PTPRN2: variants seen among roughly 807,000 people sequenced by gnomAD.
PTPRN2 encodes protein tyrosine phosphatase receptor type N2.
PTPRN2 carries 74 observed loss-of-function variants against 118.8 expected under a neutral mutation model. That is an observed-to-expected ratio of 0.62 (90% CI 0.52 to 0.76). PTPRN2 has a LOEUF of 0.76. PTPRN2 is among the 30% of genes least tolerant of loss of function. The pLI, the probability that PTPRN2 is intolerant of heterozygous loss-of-function variation, is 0.00. For missense variants in PTPRN2, 1,481 were observed against 1,394.4 expected, an observed-to-expected ratio of 1.06 and a Z score of -0.99; for synonymous variants, 641 against 608.0, an observed-to-expected ratio of 1.05 and a Z score of -0.80.
intron 11 of PTPRN2, among the ~76,000 whole-genome samples, chr7:158,076,794 A>G (rs1047597721): frequency 3.9e-5 from 6 of 152,150 alleles, no homozygotes; most frequent in Admixed American, 3.9e-4. Context: ...TGTGCCATCC[A>G]CTGCCCCTAA....
chr7:157,748,535 G>T lies in PTPRN2; in HGVS notation c.1789-65598C>A, dbSNP rs1461698238. ...TTAGGTCTGCGTCTCTGAGCTGTGG[G>T]GTGTCCGGGTGATTCTGAGGCCTGC... On this transcript the variant is annotated intron_variant, in intron 12 of 22. Transcript: ENST00000389418. Among the ~76,000 whole-genome samples, 9 of 120,422 alleles carry T rather than the reference G, an allele frequency of 7.5e-5. 1 individual carries two copies. The highest frequency in any genetic ancestry group is 2.7e-4 in the East Asian group (1 of 3,746). 79.0% of individuals were successfully genotyped at this position (120,422 alleles called of 152,430 possible). A position where few individuals can be genotyped will look rare whatever the true frequency, so the allele number is the denominator to read the frequency against.
chr7:158,400,387 T>C (rs1812843272), intron 2 of PTPRN2, among the ~76,000 whole-genome samples: 2 of 152,116 alleles, frequency 1.3e-5, no homozygotes, highest in Non-Finnish European at 2.9e-5. Context: ...TTTATTGCTC[T>C]GTGTCTACCA....
chr7:158,095,671 T>A (rs1814572234), intron 10 of PTPRN2, among the ~76,000 whole-genome samples: 1 of 152,192 alleles, frequency 6.6e-6, no homozygotes, highest in East Asian at 1.9e-4. Context: ...AGAAACACTC[T>A]AGTCACTGAT....
At chr7:158,506,007 G>A (rs974195049) in intron 1 of PTPRN2, among the ~76,000 whole-genome samples, 7 of 152,242 alleles carry the variant, frequency 4.6e-5, no homozygotes, top group African/African-American at 1.7e-4. Flanking sequence ...TGTGATGGCC[G>A]AGGGGCCACC....
At chr7:158,401,023 C>T (rs1176972820) in intron 2 of PTPRN2, among the ~76,000 whole-genome samples, 2 of 152,170 alleles carry the variant, frequency 1.3e-5, no homozygotes, top group Non-Finnish European at 2.9e-5. Context: ...TGGCCAAGGC[C>T]GCTCATCACC....
At chr7:158,142,905 T>TG (rs1819521758) in intron 6 of PTPRN2, among the ~76,000 whole-genome samples, 1 of 152,190 alleles carries the variant, frequency 6.6e-6, no homozygotes, top group Non-Finnish European at 1.5e-5. Context: ...AGATAAAAGA[T>TG]GTGCTCCGGA....
At chr7:158,479,338 G>A (rs1227254118) in intron 2 of PTPRN2, among the ~76,000 whole-genome samples, 2 of 151,886 alleles carry the variant, frequency 1.3e-5, no homozygotes, top group Non-Finnish European at 2.9e-5. Flanking sequence ...TGACCCACTC[G>A]CCGACAGCCT....
At chr7:158,057,534 C>G (rs1045032976) in intron 11 of PTPRN2, among the ~76,000 whole-genome samples, 5 of 152,218 alleles carry the variant, frequency 3.3e-5, no homozygotes, top group Admixed American at 2.6e-4. Flanking sequence ...TGGATTCTTT[C>G]CTAGTCTGTG....
intron 3 of PTPRN2, among the ~76,000 whole-genome samples, chr7:158,314,823 C>T (rs1047198301): frequency 6.6e-6 from 1 of 152,286 alleles, no homozygotes; most frequent in African/African-American, 2.4e-5. Flanking sequence ...ACCACCCATG[C>T]TGGGACCCCC....
chr7:158,276,152 G>A (rs183754079), intron 3 of PTPRN2, among the ~76,000 whole-genome samples: 352 of 151,976 alleles, frequency 2.3e-3, no homozygotes, highest in African/African-American at 8.2e-3. Flanking sequence ...CCAAGTGTTC[G>A]TCCCTTGTCC....
chr7:157,988,625 G>A (rs981045078), intron 11 of PTPRN2, among the ~76,000 whole-genome samples: 2 of 152,240 alleles, frequency 1.3e-5, no homozygotes, highest in African/African-American at 4.8e-5. Context: ...GACTCAGTCT[G>A]CAAGCCCCAG....
At chr7:158,203,000 A>G (rs1826755467) in intron 4 of PTPRN2, among the ~76,000 whole-genome samples, 2 of 152,072 alleles carry the variant, frequency 1.3e-5, no homozygotes, top group African/African-American at 4.8e-5. Context: ...CTGGGAGGCC[A>G]AGGTGGGCGG....
chr7:158,414,252 G>A (rs1814453887), intron 2 of PTPRN2, among the ~76,000 whole-genome samples: 3 of 152,096 alleles, frequency 2.0e-5, no homozygotes, highest in Non-Finnish European at 2.9e-5. Flanking sequence ...CACACCAGGA[G>A]TGAGGACAGC....
At chr7:158,266,839 T>C (rs1423838795) in intron 3 of PTPRN2, among the ~76,000 whole-genome samples, 1 of 152,244 alleles carries the variant, frequency 6.6e-6, no homozygotes, top group Non-Finnish European at 1.5e-5. Context: ...TAAAACTTCA[T>C]CCATTGGCTG....
intron 12 of PTPRN2, among the ~76,000 whole-genome samples, chr7:157,733,427 CTT>C (rs1403026127): frequency 1.3e-5 from 1 of 75,510 alleles, no homozygotes; most frequent in Non-Finnish European, 2.8e-5. Flanking sequence ...CACAGTTACT[CTT>C]TTCCGTCCCA....
intron 12 of PTPRN2, among the ~76,000 whole-genome samples, chr7:157,742,056 T>C (rs1479353536): frequency 6.6e-6 from 1 of 152,220 alleles, no homozygotes; most frequent in Non-Finnish European, 1.5e-5. Flanking sequence ...AACACCTAAA[T>C]AATCCAGCAC....
At chr7:157,653,023 G>C (rs1563305908) in intron 14 of PTPRN2, among the ~76,000 whole-genome samples, 1 of 152,330 alleles carries the variant, frequency 6.6e-6, no homozygotes, top group South Asian at 2.1e-4. Context: ...CCGCCTGAAG[G>C]TCTGGGCTCC....
At chr7:158,307,691 G>A (rs1290360461) in intron 3 of PTPRN2, among the ~76,000 whole-genome samples, 2 of 152,196 alleles carry the variant, frequency 1.3e-5, no homozygotes, top group African/African-American at 4.8e-5. Flanking sequence ...CAGTAAGAGA[G>A]AAGCAACTTG....
intron 9 of PTPRN2, among the ~76,000 whole-genome samples, chr7:158,116,054 C>T (rs367939198): frequency 6.6e-6 from 1 of 152,204 alleles, no homozygotes; most frequent in African/African-American, 2.4e-5. Flanking sequence ...ACCTCACCCA[C>T]GTGGGGTAGG....
Sources: allele counts gnomAD v4.1 joint callset (sites outside exome capture counted in the v4.1 genomes callset), GRCh38; gene constraint gnomAD v4.1.1; transcripts MANE v1.5; gene names NCBI Gene and HGNC (gene_info 2026-07-23, HGNC 2026-07-21).